PPP2R3B: variants seen among roughly 807,000 people sequenced by gnomAD.
PPP2R3B encodes the protein serine/threonine-protein phosphatase 2A regulatory subunit B'' subunit beta.
A neutral mutation model predicts 72.9 loss-of-function variants in PPP2R3B; 68 were observed. The ratio of observed to expected loss-of-function variants is 0.93; its 90% confidence interval spans 0.77 to 1.14. The LOEUF is 1.14. Ranked by LOEUF, PPP2R3B falls within the 50% of genes most tolerant of loss-of-function variation. PPP2R3B has a pLI of 0.00. For synonymous variants in PPP2R3B, 466 were observed against 375.8 expected (o/e 1.24, Z -2.78); for missense variants, 1,018 against 842.0 (o/e 1.21, Z -2.59).
chrX:334,617 G>C, intron 12 of PPP2R3B, 100 bp from the exon 13 acceptor site: 2 of 1,302,742 alleles, frequency 1.5e-6, no homozygotes, highest in Non-Finnish European at 2.0e-6. Context: ...CCTCCAGCAC[G>C]AGACAGTCCC....
Position 347,610 on chromosome X carries a change from CT to C in PPP2R3B, c.593del (p.Lys198SerfsTer25). 6.3e-7 allele frequency: 1 copy of C among 1,580,552 alleles called. No individual in the cohort carries two copies. Among genetic ancestry groups the C allele is most frequent in the Non-Finnish European group, 8.6e-7 (1 of 1,162,656 alleles). Reference sequence around the variant, plus strand: ...CTCACTTTCTCCACATGGCGACGAACTTGTGGACGGACACGGAGCCCGTGCG... The same window carrying C: ...CTCACTTTCTCCACATGGCGACGAACTGTGGACGGACACGGAGCCCGTGCG... ...GERTGSVSVHKFVAMWRKILQ... is the reference protein window; with the variant it reads ...GERTGSVSVHXFVAMWRKILQ... On this transcript the variant is annotated frameshift_variant, in exon 3 of 13. Transcript: ENST00000390665. LOFTEE classifies it high-confidence loss of function.
chrX:342,116 G>A (rs1054619715), intron 7 of PPP2R3B, 185 bp from the exon 8 acceptor site: 141 of 678,768 alleles, frequency 2.1e-4, no homozygotes, highest in Non-Finnish European at 3.2e-4. Flanking sequence ...CTTTCCCGTC[G>A]AGCAGAGCCA....
chrX:385,000 A>C (rs1470378865), intron 1 of PPP2R3B, among the ~76,000 whole-genome samples: 16 of 151,316 alleles, frequency 1.1e-4, no homozygotes, highest in East Asian at 7.8e-4. Flanking sequence ...AAAAAAAAAA[A>C]AAAAAACTGA....
chrX:380,371 C>A lies in PPP2R3B; in HGVS notation c.324+5997G>T, dbSNP rs192604530. On this transcript the variant is annotated intron_variant, in intron 1 of 12. Coordinates refer to ENST00000390665, the MANE Select transcript of PPP2R3B (RefSeq NM_013239.5). ...CTCTCGCAACTCAGTGATAACATAA[C>A]CCAATTTAAAAAGCAAACACACGAC... Among the ~76,000 whole-genome samples the A allele has an allele frequency of 1.0e-3, 156 of 152,274 alleles. No individual in the cohort carries two copies. The South Asian group carries it at 0.014, about 14-fold the overall frequency.
At chrX:346,317 G>A (rs1208145963) in intron 5 of PPP2R3B, 57 bp from the exon 6 acceptor site, 4 of 1,498,498 alleles carry the variant, frequency 2.7e-6, no homozygotes, top group Non-Finnish European at 3.6e-6. Context: ...GCCTCGCCCC[G>A]CACGGAGACC....
intron 1 of PPP2R3B, among the ~76,000 whole-genome samples, chrX:367,491 G>T (rs2071746785): frequency 6.6e-6 from 1 of 151,686 alleles, no homozygotes; most frequent in Admixed American, 6.6e-5. Context: ...TTGAACTCCT[G>T]GCCTCCAGCG....
chrX:351,330 G>A (rs771908057), intron 2 of PPP2R3B, among the ~76,000 whole-genome samples: 12 of 152,250 alleles, frequency 7.9e-5, no homozygotes, highest in Non-Finnish European at 1.3e-4. Context: ...CTCACAGGCC[G>A]TGCAGGTTTC....
intron 3 of PPP2R3B, 97 bp from the exon 4 acceptor site, chrX:347,433 G>T: frequency 7.3e-7 from 1 of 1,364,914 alleles, no homozygotes; most frequent in Non-Finnish European, 1.0e-6. Context: ...TCCACGTGGT[G>T]CGTGGCAGGT....
rs774031683 is a variant in PPP2R3B at position 386,613 on chromosome X, T to C, written c.79A>G (p.Ser27Gly). 7 of 1,448,034 alleles carry C rather than the reference T, an allele frequency of 4.8e-6. No individual in the cohort carries two copies. Among genetic ancestry groups the C allele is most frequent in the South Asian group, 1.3e-5 (1 of 74,560 alleles). The allele number at this position is 1,448,034 out of a possible 1,614,324, so 89.7% of individuals were successfully genotyped here. Residue 27 changes from serine to glycine, a missense_variant, in exon 1 of 13, where the codon AGC (serine) becomes GGC (glycine). Physicochemically the swap from Ser to Gly is moderately conservative, Grantham distance 56. Coordinates refer to ENST00000390665, the MANE Select transcript of PPP2R3B (RefSeq NM_013239.5). ...ELFLYWLSEA[S>G]TQRMLQDCLR... ...CAGTCCTGCAGCATCCGCTGCGTGC[T>C]GGCCTCGCTGAGCCAGTACAGGAAC... is the stretch of plus-strand genomic sequence containing the variant.
chrX:366,935 G>C (rs1371915659), intron 1 of PPP2R3B, among the ~76,000 whole-genome samples: 17 of 151,754 alleles, frequency 1.1e-4, no homozygotes, highest in African/African-American at 4.1e-4. Flanking sequence ...GGCTGAGGCA[G>C]GAGAATCGCT....
intron 3 of PPP2R3B, 80 bp from the exon 4 acceptor site, chrX:347,416 G>C (rs2071244697): frequency 2.1e-6 from 3 of 1,403,218 alleles, no homozygotes; most frequent in East Asian, 2.3e-5. Flanking sequence ...GAACACGTGT[G>C]TGGTGTTCCA....
chrX:342,296 GGAGTGAGA>G (rs2071098405), intron 7 of PPP2R3B: 1 of 344,244 alleles, frequency 2.9e-6, no homozygotes, highest in South Asian at 2.6e-5. Context: ...ACGGGAGACG[GGAGTGAGA>G]CCTCAGCAAC....
intron 7 of PPP2R3B, 59 bp from the exon 8 acceptor site, chrX:341,990 C>G: frequency 6.3e-7 from 1 of 1,586,586 alleles, no homozygotes; most frequent in Non-Finnish European, 8.6e-7. Context: ...GACGTCACCA[C>G]CCCCCGGAGC....
At chrX:371,815 C>T (rs2071872582) in intron 1 of PPP2R3B, among the ~76,000 whole-genome samples, 1 of 148,714 alleles carries the variant, frequency 6.7e-6, no homozygotes, top group Non-Finnish European at 1.5e-5. Flanking sequence ...TCCCCCAACA[C>T]CACCCCCACA....
chrX:342,417 A>G (rs745362957), intron 7 of PPP2R3B, among the ~76,000 whole-genome samples: 10 of 121,934 alleles, frequency 8.2e-5, no homozygotes, highest in Middle Eastern at 4.1e-3. Flanking sequence ...GTGAGACCTC[A>G]GCAACGGGAG....
At chrX:344,065 GCCAACGGGAGGCGGGAGGGAGACCTCA>G (rs2071137489) in intron 7 of PPP2R3B, among the ~76,000 whole-genome samples, 1 of 55,602 alleles carries the variant, frequency 1.8e-5, no homozygotes, top group Non-Finnish European at 3.3e-5. Context: ...GGGAGACGTC[GCCAACGGGAGGCGGGAGGGAGACCTCA>G]CCAACGGGAG....
At chrX:383,882 AAAC>A (rs2072184732) in intron 1 of PPP2R3B, among the ~76,000 whole-genome samples, 1 of 151,344 alleles carries the variant, frequency 6.6e-6, no homozygotes, top group South Asian at 2.1e-4. Flanking sequence ...AAAAACAAAA[AAAC>A]AACTAAGTTC....
intron 5 of PPP2R3B, 175 bp downstream of exon 5, chrX:346,525 TC>T: frequency 1.5e-6 from 1 of 664,330 alleles, no homozygotes; most frequent in Non-Finnish European, 2.5e-6. Flanking sequence ...AAAACCAGAG[TC>T]CCCCCAACAC....
Position 334,302 on chromosome X carries a change from G to A in PPP2R3B, c.*65C>T, listed in dbSNP as rs371751786. Reference sequence around the variant, plus strand: ...TCATTTTCCACAACAGTTTTTACACGAGCCGCGGTGGCCCGGTGGTGGCAC... The same window carrying A: ...TCATTTTCCACAACAGTTTTTACACAAGCCGCGGTGGCCCGGTGGTGGCAC... On this transcript the variant is annotated 3_prime_UTR_variant, in exon 13 of 13. Coordinates refer to ENST00000390665, the MANE Select transcript of PPP2R3B (RefSeq NM_013239.5). 193 of 1,406,440 alleles carry A rather than the reference G, an allele frequency of 1.4e-4. 2 individuals are homozygous for A. Among genetic ancestry groups the A allele is most frequent in the South Asian group, 1.2e-3 (80 of 65,210 alleles). The allele number at this position is 1,406,440 out of a possible 1,614,324, so 87.1% of individuals were successfully genotyped here. A position where few individuals can be genotyped will look rare whatever the true frequency, so the allele number is the denominator to read the frequency against.
Sources: gnomAD v4.1 joint callset for allele counts (sites outside exome capture counted in the v4.1 genomes callset) on GRCh38, gnomAD v4.1.1 for gene constraint, MANE v1.5 for transcripts, NCBI Gene and HGNC (gene_info 2026-07-23, HGNC 2026-07-21) for gene names.